SLC20A2: variants seen among roughly 807,000 people sequenced by gnomAD.
SLC20A2 encodes the protein sodium-dependent phosphate transporter 2.
A neutral mutation model predicts 61.0 loss-of-function variants in SLC20A2; 30 were observed. The observed-to-expected ratio is 0.49, with a 90% CI of 0.37 to 0.67. SLC20A2 has a LOEUF of 0.67. SLC20A2 is among the 30% of genes least tolerant of loss of function. The pLI, the probability that SLC20A2 is intolerant of heterozygous loss-of-function variation, is 0.00. For synonymous variants in SLC20A2, 351 were observed against 353.3 expected (o/e 0.99, Z 0.07); for missense variants, 626 against 866.4 (o/e 0.72, Z 3.48).
chr8:42,481,627 T>C (rs1808558678), intron 1 of SLC20A2, among the ~76,000 whole-genome samples: 1 of 152,156 alleles, frequency 6.6e-6, no homozygotes, highest in South Asian at 2.1e-4. Flanking sequence ...TCTATTATTC[T>C]ACATCAACCA....
At chr8:42,453,063 A>G (rs928325210) in intron 5 of SLC20A2, among the ~76,000 whole-genome samples, 1 of 152,112 alleles carries the variant, frequency 6.6e-6, no homozygotes, top group Non-Finnish European at 1.5e-5. Context: ...CTGCATCTTG[A>G]CAAGTTCCTG....
intron 7 of SLC20A2, 70 bp downstream of exon 7, chr8:42,439,380 G>C (rs1804581828): frequency 6.8e-7 from 1 of 1,474,320 alleles, no homozygotes; most frequent in African/African-American, 1.4e-5. Flanking sequence ...CCACACCCAG[G>C]CCCAGCTGGT....
intron 10 of SLC20A2, among the ~76,000 whole-genome samples, chr8:42,419,008 CAAAAAAAAAA>C (rs778981433): frequency 7.8e-5 from 5 of 64,202 alleles, no homozygotes; most frequent in East Asian, 9.5e-4. Context: ...GACTCTGTCT[CAAAAAAAAAA>C]AAAAAAAAAA....
chr8:42,480,699 G>T (rs748958166), intron 1 of SLC20A2, among the ~76,000 whole-genome samples: 1 of 152,094 alleles, frequency 6.6e-6, no homozygotes, highest in Admixed American at 6.6e-5. Context: ...TCGGTCTGTT[G>T]TCTAGGCTGG....
At chr8:42,530,817 G>A (rs1185731091) in intron 1 of SLC20A2, among the ~76,000 whole-genome samples, 2 of 152,182 alleles carry the variant, frequency 1.3e-5, no homozygotes, top group East Asian at 3.8e-4. Flanking sequence ...CCGGGTTCAA[G>A]GGATTCTCCT....
At chr8:42,453,963 G>A (rs1232491556) in intron 5 of SLC20A2, among the ~76,000 whole-genome samples, 1 of 152,114 alleles carries the variant, frequency 6.6e-6, no homozygotes, top group Non-Finnish European at 1.5e-5. Flanking sequence ...GATACTGGCG[G>A]CCAACTTAAG....
chr8:42,530,583 C>A (rs976003992), intron 1 of SLC20A2, among the ~76,000 whole-genome samples: 2 of 152,116 alleles, frequency 1.3e-5, no homozygotes. Flanking sequence ...ATATGCTCAA[C>A]TGTTGCAAAT....
intron 1 of SLC20A2, among the ~76,000 whole-genome samples, chr8:42,479,015 C>T (rs980304357): frequency 1.3e-5 from 2 of 152,126 alleles, no homozygotes; most frequent in African/African-American, 4.8e-5. Flanking sequence ...AAAACAATGG[C>T]AGCGAGAAGA....
chr8:42,531,222 G>A (rs1377433993), intron 1 of SLC20A2, among the ~76,000 whole-genome samples: 1 of 152,152 alleles, frequency 6.6e-6, no homozygotes, highest in Non-Finnish European at 1.5e-5. Context: ...TTCCTTGTTA[G>A]TAGCCTAATT....
rs560153638 is a variant in SLC20A2, at chr8:42,532,043, G to A, written c.-265+9778C>T. On this transcript the variant is annotated intron_variant, in intron 1 of 10. Transcript: ENST00000342228. ...GGGGTTTCACCATGTTGGCCAGGAT[G>A]GTTTCAATCTCCTGACCTTGTGATC... Among the ~76,000 whole-genome samples the A allele has an allele frequency of 5.2e-4, 78 of 151,068 alleles. No homozygotes were observed. The South Asian group carries it at 0.015, about 29-fold the overall frequency.
At chr8:42,462,462 C>T (rs181617564) in intron 4 of SLC20A2, among the ~76,000 whole-genome samples, 14 of 152,236 alleles carry the variant, frequency 9.2e-5, no homozygotes, top group African/African-American at 2.9e-4. Context: ...AAGATAGCCA[C>T]GTTTTGTGTC....
chr8:42,438,062 C>CAA (rs1563455695), intron 7 of SLC20A2, among the ~76,000 whole-genome samples: 1 of 96,868 alleles, frequency 1.0e-5, no homozygotes, highest in Non-Finnish European at 2.1e-5. Flanking sequence ...AAAAAAAAAA[C>CAA]CAAAAAAAAA....
intron 1 of SLC20A2, among the ~76,000 whole-genome samples, chr8:42,513,920 T>C (rs183351757): frequency 2.6e-5 from 4 of 152,104 alleles, no homozygotes; most frequent in Non-Finnish European, 2.9e-5. Context: ...TAGGAAACCA[T>C]GTAGCATGTT....
intron 1 of SLC20A2, among the ~76,000 whole-genome samples, chr8:42,525,408 C>G (rs1402897557): frequency 6.6e-6 from 1 of 151,564 alleles, no homozygotes; most frequent in Non-Finnish European, 1.5e-5. Flanking sequence ...ATGGTGAAAC[C>G]CCGTCTGTAC....
intron 5 of SLC20A2, among the ~76,000 whole-genome samples, chr8:42,455,344 G>C (rs1200219029): frequency 3.4e-5 from 5 of 148,964 alleles, no homozygotes; most frequent in Non-Finnish European, 7.4e-5. Flanking sequence ...ATTTTAAAGA[G>C]AGTTAAGAGA....
chr8:42,438,428 T>G (rs1232794357), intron 7 of SLC20A2, among the ~76,000 whole-genome samples: 1 of 152,032 alleles, frequency 6.6e-6, no homozygotes, highest in Non-Finnish European at 1.5e-5. Flanking sequence ...CGCCTGAGCC[T>G]CCCAAGCATC....
chr8:42,508,611 G>C (rs1056507619), intron 1 of SLC20A2, among the ~76,000 whole-genome samples: 7 of 152,052 alleles, frequency 4.6e-5, no homozygotes, highest in African/African-American at 9.7e-5. Flanking sequence ...GGCTGGTCTT[G>C]AACTCCTGAC....
chr8:42,488,935 G>GTTT (rs34643152), intron 1 of SLC20A2, among the ~76,000 whole-genome samples: 37 of 83,530 alleles, frequency 4.4e-4, no homozygotes, highest in Non-Finnish European at 5.8e-4. Flanking sequence ...TAGGAGTTTT[G>GTTT]TTTTTTTTTT....
chr8:42,473,861 T>A (rs1313189101), intron 1 of SLC20A2, among the ~76,000 whole-genome samples: 1 of 152,190 alleles, frequency 6.6e-6, no homozygotes, highest in African/African-American at 2.4e-5. Flanking sequence ...ACACTGTGAT[T>A]ATGGCAATGT....
Sources: gnomAD v4.1 joint callset for allele counts (sites outside exome capture counted in the v4.1 genomes callset) on GRCh38, gnomAD v4.1.1 for gene constraint, MANE v1.5 for transcripts, NCBI Gene and HGNC (gene_info 2026-07-23, HGNC 2026-07-21) for gene names.